Variants in AUTS2 observed in about 807,000 individuals in gnomAD.
AUTS2 encodes the protein autism susceptibility gene 2 protein.
Under a neutral mutation model 112.4 loss-of-function variants are expected in AUTS2, and 17 were observed. That is an observed-to-expected ratio of 0.15 (90% CI 0.10 to 0.23). AUTS2 has a LOEUF of 0.23. Ranked by LOEUF, AUTS2 falls within the 10% of genes least tolerant of loss-of-function variation. AUTS2 has a pLI of 1.00. For missense variants in AUTS2, 1,510 were observed against 1,701.6 expected (o/e 0.89, Z 1.98); for synonymous variants, 751 against 702.7 (o/e 1.07, Z -1.09).
At chr7:69,787,043 C>G (rs532634222) in intron 1 of AUTS2, among the ~76,000 whole-genome samples, 1 of 152,304 alleles carries the variant, frequency 6.6e-6, no homozygotes, top group South Asian at 2.1e-4. Flanking sequence ...ACGTTGCCTA[C>G]TATCAGAACT....
At chr7:69,849,318 T>C (rs908785122) in intron 1 of AUTS2, among the ~76,000 whole-genome samples, 1 of 152,236 alleles carries the variant, frequency 6.6e-6, no homozygotes, top group African/African-American at 2.4e-5. Flanking sequence ...TTGGAAATAA[T>C]TGCAGATTTA....
chr7:70,636,159 A>G (rs971295829), intron 5 of AUTS2, among the ~76,000 whole-genome samples: 5 of 152,216 alleles, frequency 3.3e-5, no homozygotes, highest in African/African-American at 9.6e-5. Flanking sequence ...CATTGCAGAG[A>G]GGCATGGATG....
rs1161341506 is a variant in AUTS2 at position 70,631,557 on chromosome 7, C to A, written c.691-67012C>A. On this transcript the variant is annotated intron_variant, in intron 5 of 18. Transcript: ENST00000342771. This position sits in a 1 kb window ranked among gnomAD's most constrained non-coding sequence, Gnocchi z 4.5. Reference sequence around the variant, plus strand: ...CTGGAGAGCGCTGTCCCAGTGGTGGCCCCGAGGCCACAGGTTCTGTCCCAG... The same window carrying A: ...CTGGAGAGCGCTGTCCCAGTGGTGGACCCGAGGCCACAGGTTCTGTCCCAG... Among the ~76,000 whole-genome samples, 2 of 152,122 alleles carry A rather than the reference C, an allele frequency of 1.3e-5. No individual in the cohort carries two copies. Among genetic ancestry groups the A allele is most frequent in the Non-Finnish European group, 2.9e-5 (2 of 68,032 alleles).
intron 6 of AUTS2, among the ~76,000 whole-genome samples, chr7:70,718,830 ATAAT>A (rs1309240357): frequency 6.6e-6 from 1 of 151,970 alleles, no homozygotes; most frequent in Admixed American, 6.6e-5. Flanking sequence ...CTTTTTGGTG[ATAAT>A]TAAGGTGACT....
intron 1 of AUTS2, among the ~76,000 whole-genome samples, chr7:69,678,414 T>A (rs186385882): frequency 4.4e-4 from 67 of 152,278 alleles, no homozygotes; most frequent in African/African-American, 1.5e-3. Flanking sequence ...GAATTTATAT[T>A]CTATTTGGAT....
At chr7:69,779,302 T>C (rs1789040671) in intron 1 of AUTS2, among the ~76,000 whole-genome samples, 1 of 152,082 alleles carries the variant, frequency 6.6e-6, no homozygotes, top group South Asian at 2.1e-4. Flanking sequence ...TGAATCCAGA[T>C]TGGTTGAATG....
intron 4 of AUTS2, among the ~76,000 whole-genome samples, chr7:70,151,520 CTG>C (rs1807440644): frequency 6.6e-6 from 1 of 152,202 alleles, no homozygotes; most frequent in Admixed American, 6.5e-5. Flanking sequence ...GTTGCCCAAG[CTG>C]GAGTGCAATG....
At chr7:69,702,322 A>C (rs986883899) in intron 1 of AUTS2, among the ~76,000 whole-genome samples, 1 of 152,208 alleles carries the variant, frequency 6.6e-6, no homozygotes, top group Non-Finnish European at 1.5e-5. Flanking sequence ...TTTAGTATTC[A>C]GATGTGGTTC....
chr7:70,530,317 TTAA>T (rs1290641749), intron 5 of AUTS2, among the ~76,000 whole-genome samples: 2 of 152,164 alleles, frequency 1.3e-5, no homozygotes, highest in Non-Finnish European at 2.9e-5. Flanking sequence ...TAAACAGCCT[TTAA>T]CGGCCTCCTG....
chr7:70,304,074 C>T (rs1264354413), intron 4 of AUTS2, among the ~76,000 whole-genome samples: 1 of 152,190 alleles, frequency 6.6e-6, no homozygotes, highest in Non-Finnish European at 1.5e-5. Context: ...CCATGCTCAT[C>T]ACCAACACTG....
intron 18 of AUTS2, among the ~76,000 whole-genome samples, chr7:70,788,691 C>T (rs1439645593): frequency 6.6e-6 from 1 of 152,170 alleles, no homozygotes; most frequent in East Asian, 1.9e-4. Context: ...TTCTTCCATC[C>T]TTCCCTTAAA....
At chr7:69,821,620 C>T (rs772871689) in intron 1 of AUTS2, among the ~76,000 whole-genome samples, 5 of 152,078 alleles carry the variant, frequency 3.3e-5, no homozygotes, top group East Asian at 1.9e-4. Flanking sequence ...CAACACTCAC[C>T]GCGAGGGTCT....
At chr7:70,595,835 C>T (rs1235780339) in intron 5 of AUTS2, among the ~76,000 whole-genome samples, 1 of 152,212 alleles carries the variant, frequency 6.6e-6, no homozygotes, top group East Asian at 1.9e-4. Context: ...AGAGGTGGGG[C>T]AGTTTTGTGG....
At chr7:70,723,572 G>C (rs1427611041) in intron 6 of AUTS2, among the ~76,000 whole-genome samples, 1 of 151,822 alleles carries the variant, frequency 6.6e-6, no homozygotes, top group East Asian at 2.0e-4. Flanking sequence ...AGCGCCCGCT[G>C]TACAGATTGT....
intron 1 of AUTS2, among the ~76,000 whole-genome samples, chr7:69,812,081 C>T (rs1222262719): frequency 6.6e-6 from 1 of 152,118 alleles, no homozygotes; most frequent in Non-Finnish European, 1.5e-5. Flanking sequence ...GTTTTGAAAA[C>T]AGAAATTGCC....
chr7:70,132,518 A>G (rs1300724351), intron 3 of AUTS2, among the ~76,000 whole-genome samples: 5 of 152,224 alleles, frequency 3.3e-5, no homozygotes, highest in Non-Finnish European at 5.9e-5. Flanking sequence ...TAGCTATACA[A>G]TGCTTCGCCA....
chr7:70,620,687 G>A (rs551958363), intron 5 of AUTS2, among the ~76,000 whole-genome samples: 6 of 152,078 alleles, frequency 3.9e-5, no homozygotes, highest in East Asian at 3.9e-4. Context: ...ATTTAGGCCC[G>A]AGGCAGAACT....
chr7:70,718,305 CT>C (rs1443885520), intron 6 of AUTS2, among the ~76,000 whole-genome samples: 1 of 152,190 alleles, frequency 6.6e-6, no homozygotes, highest in Non-Finnish European at 1.5e-5. Context: ...CCTCAGTCAA[CT>C]CTTCCCTTTT....
At chr7:70,628,762 C>T (rs904943824) in intron 5 of AUTS2, among the ~76,000 whole-genome samples, 2 of 152,220 alleles carry the variant, frequency 1.3e-5, no homozygotes, top group African/African-American at 4.8e-5. Flanking sequence ...AGAATTAAGA[C>T]AGCATTAAAG....
Sources: gnomAD v4.1 joint callset for allele counts (sites outside exome capture counted in the v4.1 genomes callset) on GRCh38, gnomAD v4.1.1 for gene constraint, Gnocchi (gnomAD v3.1) non-coding constraint, MANE v1.5 for transcripts, NCBI Gene and HGNC (gene_info 2026-07-23, HGNC 2026-07-21) for gene names.